KIAA0040: variants seen among roughly 807,000 people sequenced by gnomAD.
KIAA0040 encodes the protein uncharacterized protein KIAA0040.
Under a neutral mutation model 7.2 loss-of-function variants are expected in KIAA0040, and 10 were observed. The ratio of observed to expected loss-of-function variants is 1.38; its 90% CI spans 0.85 to 2.34. The LOEUF (loss-of-function observed/expected upper bound fraction) is 2.34, where lower values mean the gene tolerates loss of function less well. KIAA0040 is among the 30% of genes most tolerant of loss of function. KIAA0040 has a pLI of 0.00. For missense variants in KIAA0040, 89 were observed against 108.2 expected (o/e 0.82, Z 0.79); for synonymous variants, 49 against 40.1 (o/e 1.22, Z -0.84).
chr1:175,182,340 TTGA>T (rs1288494804), intron 1 of KIAA0040, among the ~76,000 whole-genome samples: 4 of 152,154 alleles, frequency 2.6e-5, no homozygotes, highest in African/African-American at 9.7e-5. Flanking sequence ...ATCCTTACAT[TTGA>T]TGATAATTCT....
chr1:175,163,593 T>G (rs569192432), intron 3 of KIAA0040, among the ~76,000 whole-genome samples: 1 of 152,222 alleles, frequency 6.6e-6, no homozygotes, highest in Non-Finnish European at 1.5e-5. Context: ...AGGCCACTCA[T>G]CTCTCTTCTG....
intron 1 of KIAA0040, among the ~76,000 whole-genome samples, chr1:175,185,285 T>C (rs1470487541): frequency 6.6e-6 from 1 of 152,170 alleles, no homozygotes; most frequent in Non-Finnish European, 1.5e-5. Flanking sequence ...TTTTGTTCAG[T>C]TGACATGAGG....
intron 1 of KIAA0040, among the ~76,000 whole-genome samples, chr1:175,185,219 A>C (rs2101908431): frequency 6.6e-6 from 1 of 152,302 alleles, no homozygotes; most frequent in African/African-American, 2.4e-5. Context: ...GAAATCCAAA[A>C]CATGTCTAAT....
intron 3 of KIAA0040, among the ~76,000 whole-genome samples, chr1:175,165,625 C>T (rs946539263): frequency 1.3e-5 from 2 of 152,200 alleles, no homozygotes; most frequent in Non-Finnish European, 2.9e-5. Context: ...AGAGCGGTCG[C>T]TTGGGGAACA....
intron 1 of KIAA0040, among the ~76,000 whole-genome samples, chr1:175,182,646 T>C (rs1471047979): frequency 6.6e-6 from 1 of 152,232 alleles, no homozygotes; most frequent in African/African-American, 2.4e-5. Context: ...CCCTCTCAGA[T>C]GGACCAGCCT....
intron 3 of KIAA0040, among the ~76,000 whole-genome samples, chr1:175,165,772 T>A (rs1247407215): frequency 6.6e-6 from 1 of 152,090 alleles, no homozygotes; most frequent in Non-Finnish European, 1.5e-5. Context: ...CACAGGGAGG[T>A]CTGCTTCAAT....
chr1:175,177,157 G>A (rs1677235045), intron 2 of KIAA0040, among the ~76,000 whole-genome samples: 2 of 152,216 alleles, frequency 1.3e-5, no homozygotes, highest in African/African-American at 4.8e-5. Context: ...TCTCCATGAT[G>A]TGGCCTCAGG....
In KIAA0040 at chr1:175,160,663, G is replaced by A; in HGVS notation, c.*51C>T. On this transcript the variant is annotated 3_prime_UTR_variant, in exon 4 of 4. Transcript: ENST00000423313. ...GGGGTTCCTGAAATGTCTGTGTGTG[G>A]TCAGAAGGAGGCTTAGCCCCAGAAA... 1.4e-6 allele frequency: 2 copies of A among 1,471,282 alleles called. No homozygotes were observed. Among genetic ancestry groups the A allele is most frequent in the South Asian group, 2.8e-5 (2 of 71,410 alleles). The allele number at this position is 1,471,282 out of a possible 1,614,324, so 91.1% of individuals were successfully genotyped here.
intron 2 of KIAA0040, among the ~76,000 whole-genome samples, chr1:175,172,569 C>A (rs1281784861): frequency 6.6e-6 from 1 of 152,162 alleles, no homozygotes; most frequent in African/African-American, 2.4e-5. Context: ...GAGACTTTGT[C>A]TCTAAAATAA....
intron 3 of KIAA0040, 112 bp from the exon 4 acceptor site, chr1:175,161,258 G>A: frequency 2.4e-6 from 1 of 417,404 alleles, no homozygotes. Flanking sequence ...AAGATTTCCA[G>A]GGTTCAGTAA....
chr1:175,176,669 C>CTTTTTTTTTTTTTTTTTTTTTTTT (rs34859478), intron 2 of KIAA0040, among the ~76,000 whole-genome samples: 1 of 27,440 alleles, frequency 3.6e-5, no homozygotes, highest in Non-Finnish European at 8.2e-5. Context: ...AAGTAGCATG[C>CTTTTTTTTTTTTTTTTTTTTTTTT]TTTTTTTTTT....
At chr1:175,185,879 C>T (rs181649981) in intron 1 of KIAA0040, among the ~76,000 whole-genome samples, 6 of 152,330 alleles carry the variant, frequency 3.9e-5, no homozygotes, top group Admixed American at 1.3e-4. Context: ...AGTACCAATA[C>T]ATGCTACAAC....
intron 2 of KIAA0040, among the ~76,000 whole-genome samples, chr1:175,171,641 T>C (rs1676999697): frequency 6.6e-6 from 1 of 152,056 alleles, no homozygotes; most frequent in South Asian, 2.1e-4. Context: ...GAAATAATGA[T>C]CAAGAAAACC....
chr1:175,184,913 C>G (rs1206042636), intron 1 of KIAA0040, among the ~76,000 whole-genome samples: 1 of 152,266 alleles, frequency 6.6e-6, no homozygotes. Context: ...GACTGCAATC[C>G]CCTGAGAAAC....
chr1:175,170,226 C>T (rs776189198), intron 2 of KIAA0040, among the ~76,000 whole-genome samples: 15 of 152,164 alleles, frequency 9.9e-5, no homozygotes, highest in Admixed American at 3.3e-4. Context: ...GTGGCTGGAC[C>T]GTGGTGAGCA....
intron 1 of KIAA0040, among the ~76,000 whole-genome samples, chr1:175,182,013 G>A (rs939352305): frequency 2.0e-5 from 3 of 152,192 alleles, no homozygotes; most frequent in Non-Finnish European, 4.4e-5. Flanking sequence ...AATTGCCATG[G>A]CATTCCAGGG....
chr1:175,183,025 G>C (rs1677500766), intron 1 of KIAA0040, among the ~76,000 whole-genome samples: 1 of 152,210 alleles, frequency 6.6e-6, no homozygotes, highest in African/African-American at 2.4e-5. Context: ...GGAATGCTCA[G>C]GCCTGTAAAA....
In KIAA0040 at chr1:175,157,487, G is replaced by C. The variant is rs895791338; in HGVS notation, c.*3227C>G. ...TCATTTCTGAGTGATGTCTGAGTGG[G>C]GGTAATACCTAATGTTAAGAGAGTA... is the stretch of plus-strand genomic sequence containing the variant. On this transcript the variant is annotated 3_prime_UTR_variant, in exon 4 of 4. Transcript: ENST00000423313. 6.6e-5 allele frequency: 10 copies of C among 152,052 alleles called. No individual in the cohort carries two copies. Among genetic ancestry groups the C allele is most frequent in the African/African-American group, 2.4e-4 (10 of 41,372 alleles). The allele number at this position is 152,052 out of a possible 1,614,324, so 9.4% of individuals were successfully genotyped here. A position where few individuals can be genotyped will look rare whatever the true frequency, so the allele number is the denominator to read the frequency against.
rs140346612 is a variant in KIAA0040, at chr1:175,172,915, A to C, written c.-310+4696T>G. 9.1e-3 allele frequency among the ~76,000 whole-genome samples: 1,390 copies of C among 152,326 alleles called. 23 individuals are homozygous for C. Among genetic ancestry groups the C allele is most frequent in the African/African-American group, 0.031 (1,305 of 41,574 alleles). On this transcript the variant is annotated intron_variant, in intron 2 of 3. Transcript: ENST00000423313. ...ATTGCCTTGCCAACTGTAAAGCACT[A>C]TATTTATTATTATACTATTCACATT...
Sources: gnomAD v4.1 joint callset for allele counts (sites outside exome capture counted in the v4.1 genomes callset) on GRCh38, gnomAD v4.1.1 for gene constraint, MANE v1.5 for transcripts, NCBI Gene and HGNC (gene_info 2026-07-23, HGNC 2026-07-21) for gene names.